FTO: variants seen among roughly 807,000 people sequenced by gnomAD.
FTO encodes alpha-ketoglutarate-dependent dioxygenase FTO.
In FTO, 47 loss-of-function variants were observed where a neutral mutation model predicts 63.9. That is an observed-to-expected ratio of 0.74 (90% CI 0.58 to 0.94). The LOEUF (loss-of-function observed/expected upper bound fraction) is 0.94, where lower values mean the gene tolerates loss of function less well. FTO is among the 40% of genes least tolerant of loss of function. The pLI is 0.00. For missense variants in FTO, 562 were observed against 618.1 expected (o/e 0.91, Z 0.96); for synonymous variants, 207 against 224.4 (o/e 0.92, Z 0.69).
chr16:54,086,374 C>A (rs1230129085), intron 8 of FTO, among the ~76,000 whole-genome samples: 2 of 152,170 alleles, frequency 1.3e-5, no homozygotes, highest in Non-Finnish European at 2.9e-5. Context: ...ATAATTGGAT[C>A]CTGCCCACAG....
intron 7 of FTO, among the ~76,000 whole-genome samples, chr16:53,897,991 T>TA (rs2151920670): frequency 6.6e-6 from 1 of 152,242 alleles, no homozygotes; most frequent in African/African-American, 2.4e-5. Flanking sequence ...ACCACCTTGG[T>TA]AAAAACTACC....
At chr16:53,934,227 ACG>A in intron 8 of FTO, 118 bp downstream of exon 8, 1 of 1,087,268 alleles carries the variant, frequency 9.2e-7, no homozygotes, top group Non-Finnish European at 1.4e-6. Flanking sequence ...AAAAATAAGC[ACG>A]TTTAAGATGC....
intron 8 of FTO, among the ~76,000 whole-genome samples, chr16:53,982,957 G>T (rs139054159): frequency 0.022 from 3,382 of 152,182 alleles, 56 homozygotes; most frequent in South Asian, 0.083. Flanking sequence ...TCAAAACAGG[G>T]TCAGAGGTCA....
chr16:53,873,689 A>G, intron 4 of FTO, 97 bp from the exon 5 acceptor site: 1 of 922,356 alleles, frequency 1.1e-6, no homozygotes, highest in Non-Finnish European at 1.7e-6. Flanking sequence ...TTCTTGGAAG[A>G]TAGATTTACT....
intron 1 of FTO, among the ~76,000 whole-genome samples, chr16:53,772,087 A>G (rs920935178): frequency 6.6e-6 from 1 of 152,070 alleles, no homozygotes; most frequent in Non-Finnish European, 1.5e-5. Flanking sequence ...ACTTTTTTGA[A>G]GGGGAAAATT....
chr16:53,804,876 T>C (rs2078321366), intron 1 of FTO, among the ~76,000 whole-genome samples: 1 of 152,008 alleles, frequency 6.6e-6, no homozygotes, highest in African/African-American at 2.4e-5. Context: ...TGGCCTCCCA[T>C]AGTGCTGGGC....
chr16:54,091,212 A>G (rs2086376738), intron 8 of FTO, among the ~76,000 whole-genome samples: 3 of 152,198 alleles, frequency 2.0e-5, no homozygotes, highest in South Asian at 4.1e-4. Context: ...CTCATGAAAC[A>G]TTATAGGAAA....
At chr16:53,792,958 A>C (rs1304850177) in intron 1 of FTO, among the ~76,000 whole-genome samples, 2 of 152,212 alleles carry the variant, frequency 1.3e-5, no homozygotes, top group African/African-American at 4.8e-5. Context: ...TTCACTTACA[A>C]AATTATGGAC....
chr16:53,913,076 C>T (rs1011381426), intron 7 of FTO, among the ~76,000 whole-genome samples: 2 of 152,102 alleles, frequency 1.3e-5, no homozygotes, highest in Admixed American at 1.3e-4. Flanking sequence ...TCTTTCTTCC[C>T]CCTTCTATTT....
At chr16:54,081,823 T>C (rs2086152172) in intron 8 of FTO, among the ~76,000 whole-genome samples, 1 of 152,204 alleles carries the variant, frequency 6.6e-6, no homozygotes, top group Admixed American at 6.5e-5. Context: ...ATTCTGATGA[T>C]TAAATCTGGA....
intron 1 of FTO, among the ~76,000 whole-genome samples, chr16:53,714,125 A>G (rs923893033): frequency 6.6e-6 from 1 of 152,230 alleles, no homozygotes; most frequent in Non-Finnish European, 1.5e-5. Context: ...TAGAAAATTC[A>G]GTTTGAAGGA....
At chr16:53,985,543 T>G (rs1260372659) in intron 8 of FTO, among the ~76,000 whole-genome samples, 1 of 152,166 alleles carries the variant, frequency 6.6e-6, no homozygotes, top group Non-Finnish European at 1.5e-5. Flanking sequence ...TAGAGCACTG[T>G]GTGTTTATAA....
At chr16:53,911,606 C>T (rs1380008505) in intron 7 of FTO, 1 of 641,912 alleles carries the variant, frequency 1.6e-6, no homozygotes. Flanking sequence ...ACAGGTCAAC[C>T]TGGAGGTTCC....
At chr16:53,708,137 T>C (rs528494938) in intron 1 of FTO, among the ~76,000 whole-genome samples, 4 of 152,274 alleles carry the variant, frequency 2.6e-5, no homozygotes, top group Non-Finnish European at 4.4e-5. Flanking sequence ...GGCAGGTGGA[T>C]CACCTGAGGT....
intron 7 of FTO, among the ~76,000 whole-genome samples, chr16:53,918,984 C>T (rs940749127): frequency 6.6e-6 from 1 of 152,182 alleles, no homozygotes; most frequent in Non-Finnish European, 1.5e-5. Context: ...ACCCAACACA[C>T]ATAGTTAGTA....
chr16:53,994,859 G>A (rs918175130), intron 8 of FTO, among the ~76,000 whole-genome samples: 19 of 151,806 alleles, frequency 1.3e-4, no homozygotes, highest in African/African-American at 4.6e-4. Flanking sequence ...TCAGCCTCCC[G>A]AGTAGCTGGG....
chr16:53,867,908 G>A (rs1159981137), intron 4 of FTO, among the ~76,000 whole-genome samples: 1 of 151,842 alleles, frequency 6.6e-6, no homozygotes, highest in Non-Finnish European at 1.5e-5. Flanking sequence ...ATATCTTCTG[G>A]GAGAATTTAC....
At chr16:53,887,998 C>T (rs2081045973) in intron 6 of FTO, 2 of 151,750 alleles carry the variant, frequency 1.3e-5, no homozygotes, top group South Asian at 4.2e-4. Context: ...CTTGTAATAC[C>T]AGCCTTAAAT....
chr16:53,900,715 G>C (rs988194229), intron 7 of FTO, among the ~76,000 whole-genome samples: 3 of 142,224 alleles, frequency 2.1e-5, no homozygotes, highest in Non-Finnish European at 4.5e-5. Flanking sequence ...AAGTAATTCA[G>C]AGGAAGAAAA....
Sources: gnomAD v4.1 joint callset for allele counts (sites outside exome capture counted in the v4.1 genomes callset) on GRCh38, gnomAD v4.1.1 for gene constraint, MANE v1.5 for transcripts, NCBI Gene and HGNC (gene_info 2026-07-23, HGNC 2026-07-21) for gene names.